Variants in SH3GL2 observed in about 807,000 individuals in gnomAD.
SH3GL2 encodes the protein SH3 domain containing GRB2 like 2, endophilin A1.
Under a neutral mutation model 46.0 loss-of-function variants are expected in SH3GL2, and 24 were observed. The ratio of observed to expected loss-of-function variants is 0.52; its 90% CI spans 0.38 to 0.73. The LOEUF (loss-of-function observed/expected upper bound fraction) is 0.73, where lower values mean the gene tolerates loss of function less well. Ranked by LOEUF, SH3GL2 falls within the 30% of genes least tolerant of loss-of-function variation. SH3GL2 has a pLI of 0.00. For missense variants in SH3GL2, 413 were observed against 424.2 expected (o/e 0.97, Z 0.23); for synonymous variants, 196 against 147.1 (o/e 1.33, Z -2.40).
chr9:17,720,708 A>G (rs1296191169), intron 1 of SH3GL2, among the ~76,000 whole-genome samples: 2 of 152,142 alleles, frequency 1.3e-5, no homozygotes, highest in South Asian at 4.1e-4. Context: ...GAAATAAGAT[A>G]TAAGGAAACG....
intron 1 of SH3GL2, among the ~76,000 whole-genome samples, chr9:17,693,881 GTAA>G (rs1563815453): frequency 6.6e-6 from 1 of 152,142 alleles, no homozygotes; most frequent in Non-Finnish European, 1.5e-5. Context: ...AGCTTTCATG[GTAA>G]TAATTTAATT....
At chr9:17,622,128 G>C (rs1819155032) in intron 1 of SH3GL2, among the ~76,000 whole-genome samples, 1 of 152,028 alleles carries the variant, frequency 6.6e-6, no homozygotes, top group Non-Finnish European at 1.5e-5. Context: ...ATAAACAGTT[G>C]CTTGTAACCT....
intron 1 of SH3GL2, among the ~76,000 whole-genome samples, chr9:17,740,104 T>G (rs886454047): frequency 6.6e-6 from 1 of 152,156 alleles, no homozygotes. Flanking sequence ...AAAAGGAAAC[T>G]TTCCAATTTT....
intron 1 of SH3GL2, among the ~76,000 whole-genome samples, chr9:17,661,436 A>G (rs7875460): frequency 0.32 from 49,342 of 152,024 alleles, 8,404 homozygotes; most frequent in East Asian, 0.51. Context: ...TTTGGTTTGA[A>G]TAAAACCAAC....
intron 1 of SH3GL2, among the ~76,000 whole-genome samples, chr9:17,730,776 T>C (rs958057916): frequency 6.9e-5 from 10 of 145,642 alleles, no homozygotes; most frequent in African/African-American, 2.7e-4. Flanking sequence ...ATGACGTGAA[T>C]TGATGGTAAT....
chr9:17,689,134 C>A (rs1384799327), intron 1 of SH3GL2, among the ~76,000 whole-genome samples: 2 of 151,980 alleles, frequency 1.3e-5, no homozygotes, highest in Non-Finnish European at 2.9e-5. Context: ...CTGTGGTCTT[C>A]CTCCCTTAAA....
intron 1 of SH3GL2, among the ~76,000 whole-genome samples, chr9:17,686,181 T>A: frequency 1.6e-5 from 2 of 125,554 alleles, no homozygotes. Flanking sequence ...AAAAAACACA[T>A]GAAAAAATGC....
At chr9:17,606,097 G>GTTTT (rs944109610) in intron 1 of SH3GL2, among the ~76,000 whole-genome samples, 11 of 151,794 alleles carry the variant, frequency 7.2e-5, no homozygotes, top group African/African-American at 2.4e-4. Context: ...TTGTTTGTTT[G>GTTTT]TTTGTTTGTT....
At chr9:17,655,597 C>G (rs1473292204) in intron 1 of SH3GL2, among the ~76,000 whole-genome samples, 3 of 152,008 alleles carry the variant, frequency 2.0e-5, no homozygotes, top group Admixed American at 2.0e-4. Flanking sequence ...TTTTAAAACC[C>G]CAAGCATATT....
intron 3 of SH3GL2, among the ~76,000 whole-genome samples, chr9:17,769,381 A>G (rs192233024): frequency 7.9e-4 from 120 of 152,164 alleles, no homozygotes; most frequent in African/African-American, 2.7e-3. Flanking sequence ...GCCTTTTTCC[A>G]TTATTACTCT....
Position 17,759,268 on chromosome 9 carries a change from T to C in SH3GL2, c.115-2169T>C, listed in dbSNP as rs1353896219. Among the ~76,000 whole-genome samples the C allele has an allele frequency of 2.6e-5, 4 of 152,300 alleles. No homozygotes were observed. The East Asian group carries it at 5.8e-4, about 22-fold the overall frequency. On this transcript the variant is annotated intron_variant, in intron 2 of 8. Coordinates refer to ENST00000380607, the MANE Select transcript of SH3GL2 (RefSeq NM_003026.5). ...CAGAGAGGCCCAGGATGGAATAGTCTTGTGGATGAAGCTTCCACAGACTTT... is the reference window on the plus strand; with the variant it reads ...CAGAGAGGCCCAGGATGGAATAGTCCTGTGGATGAAGCTTCCACAGACTTT...
Position 17,715,214 on chromosome 9 carries a change from G to T in SH3GL2, c.46-31852G>T, listed in dbSNP as rs4562430. On this transcript the variant is annotated intron_variant, in intron 1 of 8. Coordinates refer to ENST00000380607, the MANE Select transcript of SH3GL2 (RefSeq NM_003026.5). ...CTTTTCTTTTTTTTTTTTTTAGATG[G>T]GTTCTCACTTTGTTGCTCAGGCTGG... is the stretch of plus-strand genomic sequence containing the variant. Among the ~76,000 whole-genome samples the T allele has an allele frequency of 8.5e-3, 1,249 of 147,588 alleles. 24 individuals carry two copies. Among genetic ancestry groups the T allele is most frequent in the African/African-American group, 0.029 (1,170 of 40,346 alleles).
At chr9:17,782,265 A>T (rs191003468) in intron 3 of SH3GL2, among the ~76,000 whole-genome samples, 3 of 151,980 alleles carry the variant, frequency 2.0e-5, no homozygotes, top group African/African-American at 7.3e-5. Context: ...TGTAGGACTC[A>T]TGATTTAGCT....
At chr9:17,716,968 T>C (rs1020508199) in intron 1 of SH3GL2, among the ~76,000 whole-genome samples, 1 of 152,118 alleles carries the variant, frequency 6.6e-6, no homozygotes, top group African/African-American at 2.4e-5. Context: ...GGTTGGTTGG[T>C]TTCAGGCAGG....
intron 1 of SH3GL2, among the ~76,000 whole-genome samples, chr9:17,639,752 A>T (rs1205108900): frequency 6.6e-6 from 1 of 152,232 alleles, no homozygotes; most frequent in Non-Finnish European, 1.5e-5. Flanking sequence ...ACGCAACCTA[A>T]TTATGGTATG....
intron 1 of SH3GL2, among the ~76,000 whole-genome samples, chr9:17,734,133 G>T (rs139734628): frequency 6.6e-6 from 1 of 152,032 alleles, no homozygotes; most frequent in Admixed American, 6.6e-5. Context: ...ACAGGTGCCC[G>T]CAGGCACATT....
At chr9:17,657,146 T>A (rs7866654) in intron 1 of SH3GL2, among the ~76,000 whole-genome samples, 82,030 of 152,040 alleles carry the variant, frequency 0.54, 23,148 homozygotes, top group African/African-American at 0.69. Context: ...CTGAATTACT[T>A]CTTCAGTTTA....
chr9:17,596,248 A>G (rs889920850), intron 1 of SH3GL2, among the ~76,000 whole-genome samples: 3 of 152,172 alleles, frequency 2.0e-5, no homozygotes, highest in African/African-American at 7.2e-5. Flanking sequence ...TTCTGAATGC[A>G]TGGCTACTTT....
intron 1 of SH3GL2, among the ~76,000 whole-genome samples, chr9:17,710,139 T>C (rs1821578988): frequency 6.6e-6 from 1 of 151,934 alleles, no homozygotes; most frequent in African/African-American, 2.4e-5. Context: ...TCTTGAATTG[T>C]AGTTACCATT....
Sources: allele counts gnomAD v4.1 joint callset (sites outside exome capture counted in the v4.1 genomes callset), GRCh38; gene constraint gnomAD v4.1.1; transcripts MANE v1.5; gene names NCBI Gene and HGNC (gene_info 2026-07-23, HGNC 2026-07-21).